Variants in MYO1D observed in about 807,000 individuals in gnomAD.
MYO1D encodes myosin ID.
Under a neutral mutation model 122.0 loss-of-function variants are expected in MYO1D, and 83 were observed. That is an observed-to-expected ratio of 0.68 (90% CI 0.57 to 0.82). The LOEUF (loss-of-function observed/expected upper bound fraction) is 0.82, where lower values mean the gene tolerates loss of function less well. MYO1D is among the 40% of genes least tolerant of loss of function. The pLI is 0.00. For synonymous variants in MYO1D, 464 were observed against 446.9 expected, an observed-to-expected ratio of 1.04 and a Z score of -0.48; for missense variants, 1,157 against 1,269.5, an observed-to-expected ratio of 0.91 and a Z score of 1.35.
intron 21 of MYO1D, among the ~76,000 whole-genome samples, chr17:32,583,522 G>A (rs944622984): frequency 6.6e-6 from 1 of 152,092 alleles, no homozygotes; most frequent in Non-Finnish European, 1.5e-5. Context: ...TAGGCCACTT[G>A]AAACTGTCCC....
At chr17:32,495,310 G>A (rs1909052147) in intron 21 of MYO1D, among the ~76,000 whole-genome samples, 1 of 152,084 alleles carries the variant, frequency 6.6e-6, no homozygotes. Flanking sequence ...CCCAGTGAGA[G>A]AGAGAGAGAG....
intron 20 of MYO1D, among the ~76,000 whole-genome samples, chr17:32,637,435 C>A (rs2088117778): frequency 6.6e-6 from 1 of 152,134 alleles, no homozygotes; most frequent in South Asian, 2.1e-4. Flanking sequence ...CTTTGGGAGA[C>A]CACAGCGGGT....
At chr17:32,674,461 G>T (rs1369688780) in intron 16 of MYO1D, among the ~76,000 whole-genome samples, 1 of 152,072 alleles carries the variant, frequency 6.6e-6, no homozygotes, top group Non-Finnish European at 1.5e-5. Flanking sequence ...AGAAGGGAGA[G>T]AACACATCGT....
chr17:32,742,785 T>C (rs563464455), intron 13 of MYO1D, among the ~76,000 whole-genome samples: 2 of 152,382 alleles, frequency 1.3e-5, no homozygotes, highest in South Asian at 4.1e-4. Context: ...TTAATCTTGG[T>C]GGCTTCAACA....
intron 14 of MYO1D, among the ~76,000 whole-genome samples, chr17:32,732,064 T>C (rs2098541): frequency 0.54 from 82,351 of 152,112 alleles, 23,360 homozygotes; most frequent in East Asian, 0.73. Flanking sequence ...GCAGTGCTGA[T>C]ATGCCAGCCC....
chr17:32,646,806 G>A (rs1178743130), intron 19 of MYO1D, among the ~76,000 whole-genome samples: 1 of 152,260 alleles, frequency 6.6e-6, no homozygotes, highest in South Asian at 2.1e-4. Context: ...AATATGAATT[G>A]AGTGGGAAGG....
intron 21 of MYO1D, among the ~76,000 whole-genome samples, chr17:32,574,004 C>T (rs1464121713): frequency 6.6e-6 from 1 of 152,148 alleles, no homozygotes; most frequent in Non-Finnish European, 1.5e-5. Context: ...AGGCGCCCGC[C>T]ACCTCGCCCG....
chr17:32,583,719 T>C (rs2087362533), intron 21 of MYO1D, among the ~76,000 whole-genome samples: 1 of 151,984 alleles, frequency 6.6e-6, no homozygotes, highest in Non-Finnish European at 1.5e-5. Context: ...AAAGTTCGAT[T>C]TGAGTCTTTT....
At chr17:32,663,757 C>T (rs993618771) in intron 16 of MYO1D, among the ~76,000 whole-genome samples, 2 of 152,160 alleles carry the variant, frequency 1.3e-5, no homozygotes, top group Non-Finnish European at 2.9e-5. Flanking sequence ...GTATTCTAAG[C>T]CCTCCCTCTG....
intron 21 of MYO1D, among the ~76,000 whole-genome samples, chr17:32,593,956 A>T (rs1230640733): frequency 6.6e-6 from 1 of 152,226 alleles, no homozygotes; most frequent in Admixed American, 6.5e-5. Context: ...AAACAAAACC[A>T]GTTATATATA....
At chr17:32,752,060 G>A (rs2089904432) in intron 11 of MYO1D, among the ~76,000 whole-genome samples, 1 of 152,064 alleles carries the variant, frequency 6.6e-6, no homozygotes, top group East Asian at 1.9e-4. Flanking sequence ...AGACAGCATG[G>A]CACTGTTACA....
At position 32,572,147 on chromosome 17, in the gene MYO1D, C is replaced by T. The variant is rs368975524; in HGVS notation, c.2864+32940G>A. On this transcript the variant is annotated intron_variant, in intron 21 of 21. Transcript: ENST00000318217. Reference sequence around the variant, plus strand: ...ATATATGTATCCTTTATTTTTGTTCCATCAACAAGAAACTCTCTCTGTATT... The same window carrying T: ...ATATATGTATCCTTTATTTTTGTTCTATCAACAAGAAACTCTCTCTGTATT... Among the ~76,000 whole-genome samples, 18 of 141,970 alleles carry T rather than the reference C, an allele frequency of 1.3e-4. No individual in the cohort carries two copies. The South Asian group carries it at 3.8e-3, about 30-fold the overall frequency. 93.1% of individuals were successfully genotyped at this position (141,970 alleles called of 152,430 possible).
intron 21 of MYO1D, chr17:32,498,705 G>A (rs1447158187): frequency 1.3e-5 from 2 of 152,248 alleles, no homozygotes; most frequent in Non-Finnish European, 2.9e-5. Context: ...TCGCTTCGCA[G>A]AAGGAATTTC....
intron 19 of MYO1D, among the ~76,000 whole-genome samples, chr17:32,647,579 T>G (rs927675994): frequency 6.6e-6 from 1 of 152,194 alleles, no homozygotes; most frequent in Admixed American, 6.5e-5. Flanking sequence ...ATTATTAATT[T>G]GATTTTCCAG....
At chr17:32,553,899 A>G (rs534107400) in intron 21 of MYO1D, among the ~76,000 whole-genome samples, 2 of 152,208 alleles carry the variant, frequency 1.3e-5, no homozygotes, top group African/African-American at 4.8e-5. Flanking sequence ...CTGCTTAGAT[A>G]TTTCCACCTG....
intron 1 of MYO1D, among the ~76,000 whole-genome samples, chr17:32,840,434 C>T (rs932995086): frequency 3.9e-5 from 6 of 152,094 alleles, no homozygotes; most frequent in Admixed American, 2.0e-4. Context: ...CAGGTGTGTC[C>T]GCCAGCCATA....
intron 21 of MYO1D, among the ~76,000 whole-genome samples, chr17:32,567,116 G>A (rs1178176990): frequency 3.3e-5 from 5 of 152,010 alleles, no homozygotes; most frequent in Admixed American, 3.3e-4. Flanking sequence ...AGAGGATGCT[G>A]GGAAAGGGCA....
intron 11 of MYO1D, among the ~76,000 whole-genome samples, chr17:32,750,606 ACT>A (rs2089889260): frequency 6.6e-6 from 1 of 152,048 alleles, no homozygotes; most frequent in African/African-American, 2.4e-5. Flanking sequence ...CAAGAGCAAG[ACT>A]CTGTCTCAAT....
At chr17:32,615,158 G>A (rs2087755380) in intron 20 of MYO1D, among the ~76,000 whole-genome samples, 1 of 152,160 alleles carries the variant, frequency 6.6e-6, no homozygotes, top group African/African-American at 2.4e-5. Flanking sequence ...ACAGGAGTAG[G>A]GTGCTCCTAT....
Sources: allele counts gnomAD v4.1 joint callset (sites outside exome capture counted in the v4.1 genomes callset), GRCh38; gene constraint gnomAD v4.1.1; transcripts MANE v1.5; gene names NCBI Gene and HGNC (gene_info 2026-07-23, HGNC 2026-07-21).